Variants in MRE11 observed in about 807,000 individuals in gnomAD.
MRE11 encodes the protein MRE11 double strand break repair nuclease.
MRE11 carries 62 observed loss-of-function variants against 91.7 expected under a neutral mutation model. That is an observed-to-expected ratio of 0.68 (90% CI 0.55 to 0.84). The LOEUF (loss-of-function observed/expected upper bound fraction) is 0.84. Among genes scored for constraint, MRE11 ranks in the 40% least tolerant of loss-of-function variants. The probability of loss-of-function intolerance (pLI) is 0.00; values close to 1 mark genes in which losing one functional copy is unlikely to be tolerated. For missense variants in MRE11, 796 were observed against 852.9 expected (o/e 0.93, Z 0.83); for synonymous variants, 273 against 271.4 (o/e 1.01, Z -0.06).
At chr11:94,498,113 G>A (rs1325335999), upstream of MRE11, 14 of 1,613,628 alleles carry the variant, frequency 8.7e-6, no homozygotes, top group African/African-American at 1.3e-5. Context: ...GGCCACTCAC[G>A]TGAACACTAG....
At chr11:94,435,128 T>C (rs1435546423) in intron 18 of MRE11, among the ~76,000 whole-genome samples, 1 of 152,226 alleles carries the variant, frequency 6.6e-6, no homozygotes, top group Non-Finnish European at 1.5e-5. Flanking sequence ...CGTGATCCCC[T>C]TTTAAGTGTT....
intron 14 of MRE11, among the ~76,000 whole-genome samples, chr11:94,450,300 G>T (rs544899325): frequency 6.6e-6 from 1 of 152,232 alleles, no homozygotes; most frequent in Non-Finnish European, 1.5e-5. Context: ...TGCTGGAAGT[G>T]ATTTTATACG....
At chr11:94,475,430 A>T (rs746204516) in intron 7 of MRE11, 1 of 344,222 alleles carries the variant, frequency 2.9e-6, no homozygotes, top group Non-Finnish European at 5.8e-6. Context: ...GTGGATACCA[A>T]GGGACAACTG....
At chr11:94,505,970 T>C in the MRE11 span, among the ~76,000 whole-genome samples, 3 of 152,220 alleles carry the variant, frequency 2.0e-5, no homozygotes, top group Admixed American at 6.5e-5. Flanking sequence ...CAATAGGCTA[T>C]ACCAAGTAGC....
At chr11:94,489,792 A>C (rs1391440538) in intron 3 of MRE11, among the ~76,000 whole-genome samples, 1 of 152,148 alleles carries the variant, frequency 6.6e-6, no homozygotes, top group Non-Finnish European at 1.5e-5. Flanking sequence ...TTTTTCCCTG[A>C]ATGTCCCATT....
At chr11:94,461,590 T>A (rs1946416023) in intron 11 of MRE11, among the ~76,000 whole-genome samples, 1 of 152,200 alleles carries the variant, frequency 6.6e-6, no homozygotes, top group Non-Finnish European at 1.5e-5. Context: ...TCATCACTCC[T>A]ATTCAACACA....
intron 16 of MRE11, among the ~76,000 whole-genome samples, chr11:94,438,881 A>G (rs1748056771): frequency 6.6e-6 from 1 of 152,222 alleles, no homozygotes; most frequent in African/African-American, 2.4e-5. Flanking sequence ...GCAGATAGAA[A>G]GCATTCAAAT....
At chr11:94,446,651 C>G (rs1170014662) in intron 15 of MRE11, among the ~76,000 whole-genome samples, 1 of 152,126 alleles carries the variant, frequency 6.6e-6, no homozygotes, top group East Asian at 1.9e-4. Flanking sequence ...TGACCAATTT[C>G]TATTGGCGTG....
At chr11:94,438,895 T>C (rs1051599601) in intron 16 of MRE11, among the ~76,000 whole-genome samples, 13 of 152,330 alleles carry the variant, frequency 8.5e-5, no homozygotes, top group South Asian at 4.1e-4. Context: ...TTCAAATACA[T>C]GTAGCTGTTT....
chr11:94,468,714 T>A (rs1043279828), intron 9 of MRE11, among the ~76,000 whole-genome samples: 1 of 152,344 alleles, frequency 6.6e-6, no homozygotes, highest in African/African-American at 2.4e-5. Flanking sequence ...TCTGCAATAA[T>A]TTTTTCTATG....
rs1269333001 is a variant in MRE11 at position 94,416,640 on chromosome 11, T to A, written c.*3485A>T. 1 of 142,634 alleles carries A rather than the reference T, an allele frequency of 7.0e-6. No homozygotes were observed. Among genetic ancestry groups the A allele is most frequent in the Non-Finnish European group, 1.5e-5 (1 of 66,460 alleles). The allele number at this position is 142,634 out of a possible 1,614,324, so 8.8% of individuals were successfully genotyped here. ...GTGGGTGGATCACAAGGTCAGGAGA[T>A]CGAGACCATCCTGGCTAACACAGAA... On this transcript the variant is annotated 3_prime_UTR_variant, in exon 20 of 20. Coordinates refer to ENST00000323929, the MANE Select transcript of MRE11 (RefSeq NM_005591.4).
chr11:94,437,223 G>A lies in MRE11; in HGVS notation c.1880C>T (p.Thr627Ile), dbSNP rs748847822. 3.7e-6 allele frequency: 6 copies of A among 1,612,684 alleles called. No individual in the cohort carries two copies. The highest frequency in any genetic ancestry group is 1.6e-4 in the Middle Eastern group (1 of 6,076). ...GACATTTCGGGAAGGCTGCTGTCTT[G>A]TAGATTTAAAGGCTAGAATGAAAAA... ...NMSIIDAFKS[T>I]RQQPSRNVTT... The change falls in exon 17 of 20, where the codon ACA becomes ATA. Residue 627 changes from threonine to isoleucine, a missense_variant. By Grantham distance (89) the Thr-to-Ile change is moderately conservative (BLOSUM62 -1). Transcript: ENST00000323929.
rs757916109 is a variant in MRE11, at chr11:94,447,266, C to T, written c.1736G>A (p.Gly579Glu). 18 of 1,613,916 alleles carry T rather than the reference C, an allele frequency of 1.1e-5. No homozygotes were observed. The African/African-American group carries it at 2.4e-4, about 22-fold the overall frequency. The change falls in exon 15 of 20, where the codon GGA becomes GAA. Residue 579 changes from glycine to glutamate, a missense_variant. By Grantham distance (98) the Gly-to-Glu change is moderately conservative. Coordinates refer to ENST00000323929, the MANE Select transcript of MRE11 (RefSeq NM_005591.4). ...TCTCGATGCTGAATTCTGCCCTCTT[C>T]CACCTCTTCGACCTCTTCCTCGGCC... ...GRGRGRGRRG[G>E]RGQNSASRGG... is the part of the protein sequence containing the mutation.
At chr11:94,440,594 G>A (rs1945753064) in intron 16 of MRE11, among the ~76,000 whole-genome samples, 1 of 152,168 alleles carries the variant, frequency 6.6e-6, no homozygotes, top group Non-Finnish European at 1.5e-5. Context: ...TGAGAATCCT[G>A]AAGAAAAATA....
At chr11:94,452,565 T>C (rs971019550) in intron 14 of MRE11, among the ~76,000 whole-genome samples, 2 of 152,326 alleles carry the variant, frequency 1.3e-5, no homozygotes, top group East Asian at 1.9e-4. Context: ...AATCAATTAC[T>C]AACCATCATT....
chr11:94,436,141 A>G (rs1945605518), intron 17 of MRE11, among the ~76,000 whole-genome samples: 1 of 152,172 alleles, frequency 6.6e-6, no homozygotes, highest in African/African-American at 2.4e-5. Context: ...TGAGCACCTA[A>G]GGGAACACAG....
In MRE11 at chr11:94,417,745, CTGTATTTAT is replaced by C; in HGVS notation, c.*2371_*2379del. On this transcript the variant is annotated 3_prime_UTR_variant, in exon 20 of 20. Coordinates refer to ENST00000323929, the MANE Select transcript of MRE11 (RefSeq NM_005591.4). ...TTATTTATTCAACCATATGACTTTT[CTGTATTTAT>C]TGTATTTCCTACTTTTAAAAGTTTG... 1 of 232,978 alleles carries C rather than the reference CTGTATTTAT, an allele frequency of 4.3e-6. No homozygotes were observed. The highest frequency in any genetic ancestry group is 8.5e-6 in the Non-Finnish European group (1 of 117,910). The allele number at this position is 232,978 out of a possible 1,614,324, so 14.4% of individuals were successfully genotyped here. A position where few individuals can be genotyped will look rare whatever the true frequency, so the allele number is the denominator to read the frequency against.
chr11:94,445,600 G>A, intron 16 of MRE11: 2 of 505,748 alleles, frequency 4.0e-6, no homozygotes. Context: ...GATCCACTGT[G>A]CCTGGCCTAT....
chr11:94,505,472 AAT>A, the MRE11 span, among the ~76,000 whole-genome samples: 1 of 152,172 alleles, frequency 6.6e-6, no homozygotes, highest in Non-Finnish European at 1.5e-5. Context: ...GCATATTGAA[AAT>A]ACAAAAAAAG....
Sources: gnomAD v4.1 joint callset for allele counts (sites outside exome capture counted in the v4.1 genomes callset) on GRCh38, gnomAD v4.1.1 for gene constraint, MANE v1.5 for transcripts, NCBI Gene and HGNC (gene_info 2026-07-23, HGNC 2026-07-21) for gene names.